Variants in TEX36 observed in about 807,000 individuals in gnomAD.
The protein encoded by TEX36 is testis-expressed protein 36.
TEX36 carries 12 observed loss-of-function variants against 13.6 expected under a neutral mutation model. The ratio of observed to expected loss-of-function variants is 0.88; its 90% confidence interval spans 0.56 to 1.43. The LOEUF (loss-of-function observed/expected upper bound fraction) is 1.43, where lower values mean the gene tolerates loss of function less well. Ranked by LOEUF, TEX36 falls within the 40% of genes most tolerant of loss-of-function variation. TEX36 has a pLI of 0.00. For synonymous variants in TEX36, 93 were observed against 83.0 expected (o/e 1.12, Z -0.65); for missense variants, 224 against 228.3 (o/e 0.98, Z 0.12).
At chr10:125,667,086 G>T in intron 1 of TEX36, 1 of 1,104,556 alleles carries the variant, frequency 9.1e-7, no homozygotes, top group Non-Finnish European at 1.4e-6. Flanking sequence ...GGGAGCACTT[G>T]TTAATGGCGT....
At chr10:125,618,544 C>G (rs1423252543), downstream of TEX36, among the ~76,000 whole-genome samples, 3 of 152,004 alleles carry the variant, frequency 2.0e-5, no homozygotes, top group Non-Finnish European at 2.9e-5. Context: ...GAGTACCCGG[C>G]TGTGTGAGGT....
rs80053315 is a variant in TEX36 at position 125,606,296 on chromosome 10, C to T, written c.265-29422G>A. ...CAAACATCTCTCCGAAAATCCAAAC[C>T]GTAGACCACATCTTCCTTTCTGTCC... On this transcript the variant is annotated intron_variant, in intron 3 of 3. Transcript: ENST00000532135. Among the ~76,000 whole-genome samples the T allele has an allele frequency of 2.4e-3, 362 of 152,290 alleles. 2 individuals carry two copies. The highest frequency in any genetic ancestry group is 8.3e-3 in the African/African-American group (346 of 41,554).
At chr10:125,611,403 C>T (rs572068806) in intron 3 of TEX36, among the ~76,000 whole-genome samples, 1 of 152,158 alleles carries the variant, frequency 6.6e-6, no homozygotes, top group Non-Finnish European at 1.5e-5. Flanking sequence ...ATTTCATAAC[C>T]TGAATAAATA....
intron 3 of TEX36, among the ~76,000 whole-genome samples, chr10:125,622,527 T>C (rs1419083807): frequency 6.6e-6 from 1 of 152,214 alleles, no homozygotes; most frequent in Non-Finnish European, 1.5e-5. Flanking sequence ...CTGATCATGA[T>C]TTTTCACCTG....
At chr10:125,592,635 A>T (rs1385116682) in intron 3 of TEX36, among the ~76,000 whole-genome samples, 1 of 152,052 alleles carries the variant, frequency 6.6e-6, no homozygotes, top group Non-Finnish European at 1.5e-5. Flanking sequence ...CCACCTAGAG[A>T]TGGCATCAGA....
chr10:125,670,252 A>G (rs1323479249), intron 1 of TEX36, among the ~76,000 whole-genome samples: 3 of 152,200 alleles, frequency 2.0e-5, no homozygotes, highest in Non-Finnish European at 4.4e-5. Flanking sequence ...CCTCACTAGC[A>G]TCTGTTGTTT....
At chr10:125,649,409 T>C (rs1404658682) in intron 3 of TEX36, among the ~76,000 whole-genome samples, 2 of 152,156 alleles carry the variant, frequency 1.3e-5, no homozygotes, top group East Asian at 3.8e-4. Flanking sequence ...CTAAGCTTCA[T>C]AAGTGAAGGA....
At chr10:125,606,867 C>A (rs1241607311) in intron 3 of TEX36, among the ~76,000 whole-genome samples, 1 of 152,170 alleles carries the variant, frequency 6.6e-6, no homozygotes, top group Non-Finnish European at 1.5e-5. Flanking sequence ...TTTGAGCCGT[C>A]TCAGATGTGC....
At chr10:125,652,964 G>A (rs1298635547), downstream of TEX36, among the ~76,000 whole-genome samples, 9 of 152,078 alleles carry the variant, frequency 5.9e-5, no homozygotes, top group South Asian at 2.1e-4. Context: ...TTAAAATGGC[G>A]ATCATTAAAA....
At chr10:125,679,076 C>T (rs1385964907) in intron 1 of TEX36, among the ~76,000 whole-genome samples, 1 of 151,860 alleles carries the variant, frequency 6.6e-6, no homozygotes, top group Non-Finnish European at 1.5e-5. Flanking sequence ...AGGGTTTGCC[C>T]TCCAACCTTG....
downstream of TEX36, among the ~76,000 whole-genome samples, chr10:125,650,868 T>A (rs1846841883): frequency 6.6e-6 from 1 of 151,912 alleles, no homozygotes; most frequent in African/African-American, 2.4e-5. Flanking sequence ...ACTATAAACA[T>A]ATCTACACAA....
intron 3 of TEX36, among the ~76,000 whole-genome samples, chr10:125,658,552 AC>A (rs1846982405): frequency 2.0e-5 from 3 of 152,126 alleles, no homozygotes; most frequent in Non-Finnish European, 4.4e-5. Context: ...GAACTTTGTA[AC>A]CAACAGGGGG....
At chr10:125,585,248 G>A (rs895157931) in intron 3 of TEX36, among the ~76,000 whole-genome samples, 44 of 152,138 alleles carry the variant, frequency 2.9e-4, no homozygotes, top group Middle Eastern at 6.3e-3. Context: ...CCATGGACGA[G>A]TTCCCAGAGG....
intron 3 of TEX36, among the ~76,000 whole-genome samples, chr10:125,624,003 A>G (rs1253860411): frequency 6.6e-6 from 1 of 152,178 alleles, no homozygotes. Context: ...GTTTTCTAAG[A>G]TGTTGATAAT....
At chr10:125,667,482 G>A in intron 1 of TEX36, 1 of 722,924 alleles carries the variant, frequency 1.4e-6, no homozygotes, top group South Asian at 1.4e-5. Flanking sequence ...GAGGGGGTGT[G>A]TTCCCCAATC....
At chr10:125,664,758 C>G (rs1847098020) in intron 1 of TEX36, among the ~76,000 whole-genome samples, 2 of 152,180 alleles carry the variant, frequency 1.3e-5, no homozygotes, top group African/African-American at 4.8e-5. Flanking sequence ...TTATAAATTA[C>G]CAGTCTCAGG....
At chr10:125,586,461 A>G (rs1368907687) in intron 3 of TEX36, among the ~76,000 whole-genome samples, 1 of 151,932 alleles carries the variant, frequency 6.6e-6, no homozygotes, top group Admixed American at 6.6e-5. Flanking sequence ...TCTTATTCCA[A>G]TAATATATTC....
chr10:125,604,686 C>T (rs1301119594), intron 3 of TEX36, among the ~76,000 whole-genome samples: 1 of 152,074 alleles, frequency 6.6e-6, no homozygotes, highest in Non-Finnish European at 1.5e-5. Flanking sequence ...GTGACATGTG[C>T]CTGTAGTCCC....
At chr10:125,660,002 A>C (rs1208052701) in intron 3 of TEX36, among the ~76,000 whole-genome samples, 2 of 152,248 alleles carry the variant, frequency 1.3e-5, no homozygotes, top group Non-Finnish European at 2.9e-5. Flanking sequence ...ATGTTACATA[A>C]GTGTAAAACA....
Sources: gnomAD v4.1 joint callset for allele counts (sites outside exome capture counted in the v4.1 genomes callset) on GRCh38, gnomAD v4.1.1 for gene constraint, MANE v1.5 for transcripts, NCBI Gene and HGNC (gene_info 2026-07-23, HGNC 2026-07-21) for gene names.